The following RNF8 variants were observed in gnomAD, a reference collection of about 807,000 sequenced individuals.
The protein encoded by RNF8 is ring finger protein 8, also known as E3 ubiquitin-protein ligase RNF8.
In RNF8, 8 loss-of-function variants were observed where a neutral mutation model predicts 59.3. The observed-to-expected ratio is 0.13, with a 90% CI of 0.08 to 0.24. RNF8 has a LOEUF of 0.24. Among genes scored for constraint, RNF8 ranks in the 10% least tolerant of loss-of-function variants. The pLI is 1.00. For synonymous variants in RNF8, 162 were observed against 200.0 expected, an observed-to-expected ratio of 0.81 and a Z score of 1.60; for missense variants, 406 against 572.6, an observed-to-expected ratio of 0.71 and a Z score of 2.97.
chr6:37,361,414 C>T, intron 2 of RNF8: 1 of 454,078 alleles, frequency 2.2e-6, no homozygotes. Context: ...CTGTGCTCAT[C>T]AACAAAGGGA....
intron 3 of RNF8, among the ~76,000 whole-genome samples, chr6:37,371,205 C>T (rs1472534210): frequency 2.6e-5 from 4 of 152,188 alleles, no homozygotes; most frequent in Non-Finnish European, 4.4e-5. Context: ...TCTCAGTTTA[C>T]ATCCTTTTGG....
At chr6:37,354,932 C>T (rs1184184962) in intron 1 of RNF8, among the ~76,000 whole-genome samples, 1 of 152,214 alleles carries the variant, frequency 6.6e-6, no homozygotes, top group Non-Finnish European at 1.5e-5. Context: ...CTTCCTCCTT[C>T]CCAACTCTGA....
chr6:37,389,912 A>G (rs1770659263), intron 7 of RNF8, among the ~76,000 whole-genome samples: 2 of 152,254 alleles, frequency 1.3e-5, no homozygotes, highest in African/African-American at 4.8e-5. Flanking sequence ...TAACTTCTGT[A>G]GTCCTTTCAA....
chr6:37,387,368 C>CT (rs1237263091), intron 7 of RNF8, among the ~76,000 whole-genome samples: 5 of 152,238 alleles, frequency 3.3e-5, no homozygotes, highest in Middle Eastern at 6.8e-3. Context: ...TGGGTCTTTC[C>CT]TTTTTTTCTG....
Position 37,391,419 on chromosome 6 carries a change from ACCT to A in RNF8, c.*665_*667del, listed in dbSNP as rs953072537. 3 of 152,296 alleles carry A rather than the reference ACCT, an allele frequency of 2.0e-5. No individual in the cohort carries two copies. Among genetic ancestry groups the A allele is most frequent in the African/African-American group, 7.2e-5 (3 of 41,390 alleles). 9.4% of individuals were successfully genotyped at this position (152,296 alleles called of 1,614,324 possible). On this transcript the variant is annotated 3_prime_UTR_variant, in exon 8 of 8. Coordinates refer to ENST00000373479, the MANE Select transcript of RNF8 (RefSeq NM_003958.4). ...TCGTGGCAACAGATGAGCTCTGTTA[ACCT>A]CCTGACTGTCGTGTTTCCTTTTTAT... is the stretch of plus-strand genomic sequence containing the variant.
chr6:37,364,232 A>AT (rs1769458067), intron 2 of RNF8, among the ~76,000 whole-genome samples: 1 of 148,278 alleles, frequency 6.7e-6, no homozygotes, highest in South Asian at 2.1e-4. Context: ...AAAAGAATAC[A>AT]TATTATATGA....
At chr6:37,378,158 G>A (rs374442822) in intron 6 of RNF8, among the ~76,000 whole-genome samples, 18 of 152,324 alleles carry the variant, frequency 1.2e-4, no homozygotes, top group East Asian at 7.7e-4. Flanking sequence ...GCCAGACATG[G>A]TGGTGTGTGC....
At position 37,374,851 on chromosome 6, in the gene RNF8, G is replaced by A. The variant is rs567024461; in HGVS notation, c.1128+142G>A. On this transcript the variant is annotated intron_variant, in intron 5 of 7. Coordinates refer to ENST00000373479, the MANE Select transcript of RNF8 (RefSeq NM_003958.4). ...TGGGGAGATAATCTATAAAATTATA[G>A]AGGCCTATAGCAGGTTCTGCCTGTC... is the stretch of plus-strand genomic sequence containing the variant. 4 of 626,156 alleles carry A rather than the reference G, an allele frequency of 6.4e-6. No homozygotes were observed. The East Asian group carries it at 1.1e-4, about 18-fold the overall frequency. 38.8% of individuals were successfully genotyped at this position (626,156 alleles called of 1,614,324 possible). A position where few individuals can be genotyped will look rare whatever the true frequency, so the allele number is the denominator to read the frequency against.
chr6:37,382,184 A>T (rs2113831862), intron 7 of RNF8, among the ~76,000 whole-genome samples: 1 of 152,300 alleles, frequency 6.6e-6, no homozygotes, highest in African/African-American at 2.4e-5. Context: ...GGCGGAGGAG[A>T]TAGAAAGGCA....
At chr6:37,382,099 C>T (rs1242347335) in intron 7 of RNF8, among the ~76,000 whole-genome samples, 1 of 152,176 alleles carries the variant, frequency 6.6e-6, no homozygotes, top group Admixed American at 6.5e-5. Context: ...TAAGCATTTA[C>T]AGGAATACTA....
chr6:37,370,827 C>G (rs1769772129), intron 3 of RNF8, among the ~76,000 whole-genome samples: 1 of 151,840 alleles, frequency 6.6e-6, no homozygotes, highest in Admixed American at 6.6e-5. Context: ...ATGTTTCCTG[C>G]ACACGATATA....
intron 2 of RNF8, chr6:37,361,480 C>T (rs764709234): frequency 5.6e-5 from 21 of 375,416 alleles, no homozygotes; most frequent in Non-Finnish European, 7.4e-5. Flanking sequence ...GAAGCCCTGT[C>T]GCTATCAAAA....
Position 37,376,911 on chromosome 6 carries a change from T to TTGTG in RNF8, c.1129-11_1129-8dup. ...TTGGTTCTCTGAATGACAGGTAGGA[T>TTGTG]TGTGTGTCTTGCAGGAAGAGAAGGA... On this transcript the variant is annotated splice_polypyrimidine_tract_variant and intron_variant, in intron 5 of 7. Coordinates refer to ENST00000373479, the MANE Select transcript of RNF8 (RefSeq NM_003958.4). 2 of 1,583,366 alleles carry TTGTG rather than the reference T, an allele frequency of 1.3e-6. No individual in the cohort carries two copies. Among genetic ancestry groups the TTGTG allele is most frequent in the South Asian group, 2.2e-5 (2 of 90,418 alleles).
chr6:37,361,889 C>G (rs1387224519), intron 2 of RNF8, among the ~76,000 whole-genome samples: 1 of 152,184 alleles, frequency 6.6e-6, no homozygotes, highest in African/African-American at 2.4e-5. Context: ...ACTTTAACCC[C>G]TTATGTAGAC....
chr6:37,380,243 T>C (rs992747548), intron 6 of RNF8, among the ~76,000 whole-genome samples: 1 of 152,172 alleles, frequency 6.6e-6, no homozygotes, highest in Non-Finnish European at 1.5e-5. Context: ...AATAACATTT[T>C]GTTTGCAAGG....
At chr6:37,357,137 A>G (rs1394620279) in intron 1 of RNF8, among the ~76,000 whole-genome samples, 3 of 152,266 alleles carry the variant, frequency 2.0e-5, no homozygotes, top group Admixed American at 6.5e-5. Flanking sequence ...TTTTAGATCA[A>G]TAATGTGTGT....
At chr6:37,376,619 A>G (rs1487831639) in intron 5 of RNF8, among the ~76,000 whole-genome samples, 1 of 152,144 alleles carries the variant, frequency 6.6e-6, no homozygotes, top group Non-Finnish European at 1.5e-5. Flanking sequence ...GTCACCTCCC[A>G]AAGGCCCCAC....
chr6:37,370,730 G>A (rs1769769775), intron 3 of RNF8, among the ~76,000 whole-genome samples: 1 of 145,014 alleles, frequency 6.9e-6, no homozygotes, highest in Admixed American at 6.9e-5. Flanking sequence ...TACTCAAATT[G>A]CCTGGTACTA....
rs1250892559 is a variant in RNF8, at chr6:37,393,294, G to GC, written c.*2539dup. 6.6e-6 allele frequency: 1 copy of GC among 152,062 alleles called. No homozygotes were observed. Among genetic ancestry groups the GC allele is most frequent in the African/African-American group, 2.4e-5 (1 of 41,438 alleles). 9.4% of individuals were successfully genotyped at this position (152,062 alleles called of 1,614,324 possible). Reference sequence around the variant, plus strand: ...CTAAGTAATTATATCTGTCATTATTGCCCTGATCACAAACAAAAGCCTGAA... The same window carrying GC: ...CTAAGTAATTATATCTGTCATTATTGCCCCTGATCACAAACAAAAGCCTGAA... On this transcript the variant is annotated 3_prime_UTR_variant, in exon 8 of 8. Transcript: ENST00000373479.
Sources: gnomAD v4.1 joint callset for allele counts (sites outside exome capture counted in the v4.1 genomes callset) on GRCh38, gnomAD v4.1.1 for gene constraint, MANE v1.5 for transcripts, NCBI Gene and HGNC (gene_info 2026-07-23, HGNC 2026-07-21) for gene names.